Variants in CLSPN observed in about 807,000 individuals in gnomAD.
CLSPN encodes the protein claspin homolog.
A neutral mutation model predicts 156.3 loss-of-function variants in CLSPN; 85 were observed. That is an observed-to-expected ratio of 0.54 (90% CI 0.46 to 0.65). CLSPN has a LOEUF of 0.65. Among genes scored for constraint, CLSPN ranks in the 30% least tolerant of loss-of-function variants. The probability of loss-of-function intolerance (pLI) is 0.00; values close to 1 mark genes in which losing one functional copy is unlikely to be tolerated. For missense variants in CLSPN, 1,407 were observed against 1,554.9 expected (o/e 0.90, Z 1.60); for synonymous variants, 534 against 542.4 (o/e 0.98, Z 0.22).
chr1:35,748,377 G>A (rs1373949705), intron 13 of CLSPN, 28 bp downstream of exon 13: 1 of 1,593,264 alleles, frequency 6.3e-7, no homozygotes, highest in South Asian at 1.1e-5. Context: ...AAGAGAGGAG[G>A]AGATTAGAAA....
At chr1:35,753,642 G>A in intron 9 of CLSPN, 103 bp downstream of exon 9, 1 of 1,154,628 alleles carries the variant, frequency 8.7e-7, no homozygotes, top group Non-Finnish European at 1.3e-6. Context: ...AGCCTCCAAG[G>A]AAAAAGATTC....
At position 35,764,620 on chromosome 1, in the gene CLSPN, T is replaced by C. The variant is rs773223873; in HGVS notation, c.228A>G (p.Pro76=). 6.2e-7 allele frequency: 1 copy of C among 1,613,610 alleles called. No homozygotes were observed. The highest frequency in any genetic ancestry group is 8.5e-7 in the Non-Finnish European group (1 of 1,179,826). Residue 76 remains proline (P), a synonymous_variant, in exon 3 of 25, where the codon CCA becomes CCG. Transcript: ENST00000318121. Reference sequence around the variant, plus strand: ...CGGCACTGTCATAGGTAGTTTTCTCTGGAGAGGCATTTGTGTCCTCTGTTT... The same window carrying C: ...CGGCACTGTCATAGGTAGTTTTCTCCGGAGAGGCATTTGTGTCCTCTGTTT... The part of the protein sequence containing the change: ...DSETEDTNAS[P]EKTTYDSAEE...
chr1:35,723,013 C>T (rs1168504149), intron 24 of CLSPN, among the ~76,000 whole-genome samples: 2 of 152,166 alleles, frequency 1.3e-5, no homozygotes, highest in African/African-American at 2.4e-5. Flanking sequence ...GCTCACACAG[C>T]AGTCCTGGTC....
chr1:35,730,567 TAAAAAAAAAA>T (rs56320150), downstream of CLSPN, among the ~76,000 whole-genome samples: 4 of 62,028 alleles, frequency 6.4e-5, no homozygotes, highest in Non-Finnish European at 1.2e-4. Context: ...GAATCCATAT[TAAAAAAAAAA>T]AAAAAAAAAA....
chr1:35,721,112 G>T, intron 24 of CLSPN: 1 of 607,602 alleles, frequency 1.6e-6, no homozygotes, highest in Non-Finnish European at 2.9e-6. Flanking sequence ...AGCCTAACTT[G>T]AGTGGAATTT....
chr1:35,730,567 T>TAAAAAAAAAAAAA (rs56320150), downstream of CLSPN, among the ~76,000 whole-genome samples: 1 of 62,030 alleles, frequency 1.6e-5, no homozygotes, highest in African/African-American at 6.9e-5. Flanking sequence ...GAATCCATAT[T>TAAAAAAAAAAAAA]AAAAAAAAAA....
chr1:35,727,369 C>A (rs1405032666), downstream of CLSPN, among the ~76,000 whole-genome samples: 3 of 152,132 alleles, frequency 2.0e-5, no homozygotes, highest in Non-Finnish European at 4.4e-5. Flanking sequence ...GAAGGCCAGG[C>A]CGTTACACAC....
At position 35,745,419 on chromosome 1, in the gene CLSPN, C is replaced by A. The variant is rs373283421; in HGVS notation, c.2966+32G>T. 11 of 1,430,620 alleles carry A rather than the reference C, an allele frequency of 7.7e-6. No homozygotes were observed. In the African/African-American group the frequency reaches 1.4e-4, roughly 18 times the overall value. 88.6% of individuals were successfully genotyped at this position (1,430,620 alleles called of 1,614,324 possible). On this transcript the variant is annotated intron_variant, in intron 16 of 24. Transcript: ENST00000318121. ...ATTTTGATTTTATCAAAAGGCCAGGCCTTCCCAAATTCCCAGCAATCTGAG... is the reference window on the plus strand; with the variant it reads ...ATTTTGATTTTATCAAAAGGCCAGGACTTCCCAAATTCCCAGCAATCTGAG...
intron 8 of CLSPN, among the ~76,000 whole-genome samples, chr1:35,756,288 G>C (rs778843468): frequency 2.0e-5 from 3 of 152,158 alleles, no homozygotes; most frequent in Non-Finnish European, 4.4e-5. Flanking sequence ...GAAATAGGCA[G>C]GTTATTATGG....
rs1301663257 is a variant in CLSPN, at chr1:35,760,883, T to A, written c.1038A>T (p.Glu346Asp). The A allele has an allele frequency of 6.2e-7, 1 of 1,612,516 alleles. No individual in the cohort carries two copies. The highest frequency in any genetic ancestry group is 8.5e-7 in the Non-Finnish European group (1 of 1,178,800). ...SSKYQSSHHK[E>D]IIDTANTTEM... is the part of the protein sequence containing the mutation. ...CAGTAGTATTTGCAGTGTCTATGAT[T>A]TCTTTGTGATGGCTTGACTGATATT... The change falls in exon 8 of 25, where the codon GAA (glutamate) becomes GAT (aspartate). Residue 346 changes from glutamate to aspartate, a missense_variant. Glu to Asp is a conservative substitution (Grantham distance 45). This residue lies in a region of CLSPN where 1,096 missense variants were observed against 1,193.0 expected (regional missense o/e 0.92). Transcript: ENST00000318121.
chr1:35,752,997 T>C (rs1248669365), intron 9 of CLSPN, among the ~76,000 whole-genome samples: 1 of 152,254 alleles, frequency 6.6e-6, no homozygotes, highest in Middle Eastern at 3.2e-3. Flanking sequence ...ATATATTACT[T>C]GTGATTTCAA....
chr1:35,743,054 TG>T, intron 18 of CLSPN, 86 bp downstream of exon 18: 1 of 964,612 alleles, frequency 1.0e-6, no homozygotes, highest in Non-Finnish European at 1.6e-6. Context: ...CCCAAAATGA[TG>T]GGATTACAGG....
intron 15 of CLSPN, 31 bp from the exon 16 acceptor site, chr1:35,745,593 C>T (rs1397383047): frequency 1.4e-6 from 2 of 1,423,948 alleles, no homozygotes; most frequent in African/African-American, 1.4e-5. Context: ...GATGTGTCAC[C>T]AAGGAATGAT....
intron 16 of CLSPN, among the ~76,000 whole-genome samples, chr1:35,744,081 T>G (rs1275352077): frequency 1.3e-5 from 2 of 152,174 alleles, no homozygotes; most frequent in African/African-American, 4.8e-5. Flanking sequence ...TGTTAAGCAA[T>G]CTCCAGAACT....
At chr1:35,756,531 T>C (rs1642275718) in intron 8 of CLSPN, among the ~76,000 whole-genome samples, 1 of 152,184 alleles carries the variant, frequency 6.6e-6, no homozygotes, top group African/African-American at 2.4e-5. Flanking sequence ...TCATCTCTAT[T>C]AGTCCATCAC....
chr1:35,736,977 G>T lies in CLSPN; in HGVS notation c.3846C>A (p.Asn1282Lys). 1 of 1,614,144 alleles carries T rather than the reference G, an allele frequency of 6.2e-7. No individual in the cohort carries two copies. Among genetic ancestry groups the T allele is most frequent in the Non-Finnish European group, 8.5e-7 (1 of 1,179,996 alleles). The stretch of plus-strand genomic sequence containing the variant: ...CAGGAGAAAGTGTATGAAAGACAAA[G>T]TTTCTTGAATTTCGAGGAGCACTGG... ...HNPSAPRNSR[N>K]FVFHTLSPVK... Residue 1282 changes from asparagine (N) to lysine (K), a missense_variant, in exon 24 of 25, where the codon AAC (asparagine) becomes AAA (lysine). Physicochemically the swap from Asn to Lys is moderately conservative, Grantham distance 94 (BLOSUM62 0). Coordinates refer to ENST00000318121, the MANE Select transcript of CLSPN (RefSeq NM_022111.4).
intron 10 of CLSPN, among the ~76,000 whole-genome samples, chr1:35,750,487 C>T (rs1354773204): frequency 6.6e-6 from 1 of 151,148 alleles, no homozygotes; most frequent in Non-Finnish European, 1.5e-5. Context: ...CTGCAACCTT[C>T]ACTGCCCAAG....
chr1:35,752,945 ATT>A (rs1642143219), intron 9 of CLSPN, among the ~76,000 whole-genome samples: 1 of 152,168 alleles, frequency 6.6e-6, no homozygotes, highest in Admixed American at 6.5e-5. Context: ...CTAGTTTTTC[ATT>A]TGATACCTTT....
rs543159373 is a variant in CLSPN at position 35,736,167 on chromosome 1, G to A, written c.*329C>T. ...TGGGAGGCAGAGATTGTGGTGAGCCGAGATCACGCCACTGCACTCCAAGCT... is the reference window on the plus strand; with the variant it reads ...TGGGAGGCAGAGATTGTGGTGAGCCAAGATCACGCCACTGCACTCCAAGCT... On this transcript the variant is annotated 3_prime_UTR_variant, in exon 25 of 25. Transcript: ENST00000318121. 43 of 817,436 alleles carry A rather than the reference G, an allele frequency of 5.3e-5. No individual in the cohort carries two copies. Among genetic ancestry groups the A allele is most frequent in the Admixed American group, 6.2e-5 (1 of 16,072 alleles). 50.6% of individuals were successfully genotyped at this position (817,436 alleles called of 1,614,324 possible).
Sources: gnomAD v4.1 joint callset for allele counts (sites outside exome capture counted in the v4.1 genomes callset) on GRCh38, gnomAD v4.1.1 for gene constraint, gnomAD v4.1.1 regional missense constraint, MANE v1.5 for transcripts, NCBI Gene and HGNC (gene_info 2026-07-23, HGNC 2026-07-21) for gene names.